Variants in VPS37A observed in about 807,000 individuals in gnomAD.
The protein encoded by VPS37A is VPS37A subunit of ESCRT-I.
VPS37A carries 30 observed loss-of-function variants against 49.8 expected under a neutral mutation model. The ratio of observed to expected loss-of-function variants is 0.60; its 90% confidence interval spans 0.45 to 0.82. The LOEUF (loss-of-function observed/expected upper bound fraction) is 0.82. Ranked by LOEUF, VPS37A falls within the 40% of genes least tolerant of loss-of-function variation. The pLI is 0.00. For missense variants in VPS37A, 593 were observed against 464.4 expected, an observed-to-expected ratio of 1.28 and a Z score of -2.55; for synonymous variants, 195 against 160.6, an observed-to-expected ratio of 1.21 and a Z score of -1.62.
At chr8:17,250,385 A>T (rs917887910) in intron 1 of VPS37A, among the ~76,000 whole-genome samples, 8 of 152,210 alleles carry the variant, frequency 5.3e-5, no homozygotes, top group Non-Finnish European at 1.0e-4. Context: ...CAGATTGGTT[A>T]TTCTAAAGGT....
Position 17,297,544 on chromosome 8 carries a change from CA to C in VPS37A, c.*2562del, listed in dbSNP as rs1816775359. ...AGTTACTGATTTGCTGGGTCATGGT[CA>C]AAATTCTTACCTATTTATTTCATAT... On this transcript the variant is annotated 3_prime_UTR_variant, in exon 12 of 12. Coordinates refer to ENST00000324849, the MANE Select transcript of VPS37A (RefSeq NM_152415.3). The C allele has an allele frequency of 7.9e-6, 1 of 126,024 alleles. No homozygotes were observed. The highest frequency in any genetic ancestry group is 3.6e-5 in the African/African-American group (1 of 28,074). 7.8% of individuals were successfully genotyped at this position (126,024 alleles called of 1,614,324 possible).
At chr8:17,304,473 G>A (rs758050973), downstream of VPS37A, 29 of 1,613,854 alleles carry the variant, frequency 1.8e-5, no homozygotes, top group Admixed American at 3.3e-5. Flanking sequence ...TAGTCGGCCC[G>A]ATTCTTCCAC....
Position 17,247,203 on chromosome 8 carries a change from G to A in VPS37A, c.-42G>A, listed in dbSNP as rs1563224367. The A allele has an allele frequency of 6.4e-7, 1 of 1,557,852 alleles. No homozygotes were observed. Among genetic ancestry groups the A allele is most frequent in the East Asian group, 2.4e-5 (1 of 41,444 alleles). ...CGGGCCGAGCCACTGGGAGAAGCAG[G>A]CCAGAGCCTTCCAGGGCCTCCGGCC... On this transcript the variant is annotated 5_prime_UTR_variant, in exon 1 of 12. Transcript: ENST00000324849.
At chr8:17,262,665 G>A (rs947570518) in intron 1 of VPS37A, among the ~76,000 whole-genome samples, 2 of 151,986 alleles carry the variant, frequency 1.3e-5, no homozygotes, top group African/African-American at 2.4e-5. Flanking sequence ...TTATCAAAGT[G>A]TGGTTTGTAA....
At chr8:17,300,415 G>A (rs1817039120), downstream of VPS37A, 2 of 607,830 alleles carry the variant, frequency 3.3e-6, no homozygotes, top group Middle Eastern at 4.5e-4. Flanking sequence ...TATCTCTAAT[G>A]TAAGGATAAT....
intron 6 of VPS37A, among the ~76,000 whole-genome samples, chr8:17,278,075 C>T (rs1010064950): frequency 6.6e-6 from 1 of 152,010 alleles, no homozygotes; most frequent in African/African-American, 2.4e-5. Flanking sequence ...TTAGTGCCTC[C>T]TTGTGGTACC....
the VPS37A span, among the ~76,000 whole-genome samples, chr8:17,318,098 G>T: frequency 1.3e-5 from 2 of 152,156 alleles, no homozygotes; most frequent in Admixed American, 6.5e-5. Context: ...TCAGGATGAT[G>T]ATGGGAAGCC....
chr8:17,286,567 T>C (rs531539970), intron 11 of VPS37A, 140 bp downstream of exon 11: 42 of 626,920 alleles, frequency 6.7e-5, no homozygotes, highest in African/African-American at 6.1e-4. Context: ...ATAGAATGCT[T>C]TGTATTATAT....
chr8:17,271,609 A>G (rs1200104759), intron 4 of VPS37A, among the ~76,000 whole-genome samples: 1 of 152,176 alleles, frequency 6.6e-6, no homozygotes, highest in African/African-American at 2.4e-5. Flanking sequence ...CCGTCTCAAA[A>G]AAAAAAATGC....
intron 1 of VPS37A, among the ~76,000 whole-genome samples, chr8:17,252,004 C>T (rs530442312): frequency 6.6e-6 from 1 of 152,222 alleles, no homozygotes; most frequent in South Asian, 2.1e-4. Flanking sequence ...AGAATTCATT[C>T]TCAGCTCATG....
intron 2 of VPS37A, 135 bp from the exon 3 acceptor site, chr8:17,268,123 C>T (rs533008369): frequency 2.1e-5 from 12 of 575,022 alleles, no homozygotes; most frequent in Non-Finnish European, 3.7e-5. Flanking sequence ...CATAATAGAG[C>T]ACTTATTACT....
the VPS37A span, among the ~76,000 whole-genome samples, chr8:17,316,631 A>G: frequency 1.3e-5 from 2 of 152,152 alleles, no homozygotes; most frequent in Non-Finnish European, 2.9e-5. Flanking sequence ...TCAACCAACC[A>G]CAGAGCACAA....
chr8:17,286,210 A>T, intron 10 of VPS37A, 137 bp from the exon 11 acceptor site: 3 of 654,222 alleles, frequency 4.6e-6, no homozygotes, highest in Non-Finnish European at 7.8e-6. Context: ...TTTAGCTATT[A>T]GATTATTAGC....
chr8:17,316,561 G>A, the VPS37A span, among the ~76,000 whole-genome samples: 1 of 151,684 alleles, frequency 6.6e-6, no homozygotes, highest in African/African-American at 2.4e-5. Flanking sequence ...GAGTTCCTAA[G>A]TCTTCAGCTC....
intron 2 of VPS37A, among the ~76,000 whole-genome samples, chr8:17,268,030 C>T (rs936091579): frequency 1.3e-5 from 2 of 152,102 alleles, no homozygotes; most frequent in African/African-American, 4.8e-5. Context: ...AATTCATGTC[C>T]ATATTTCACA....
chr8:17,329,886 C>A, the VPS37A span, among the ~76,000 whole-genome samples: 3 of 152,160 alleles, frequency 2.0e-5, no homozygotes, highest in African/African-American at 7.2e-5. Context: ...ACCTGAGAGA[C>A]TGACTGCCAA....
chr8:17,332,343 A>T, the VPS37A span, among the ~76,000 whole-genome samples: 1 of 152,128 alleles, frequency 6.6e-6, no homozygotes, highest in African/African-American at 2.4e-5. Context: ...AGTCTGACAA[A>T]ATTAAAAGTA....
At chr8:17,330,111 G>A in the VPS37A span, among the ~76,000 whole-genome samples, 1 of 152,226 alleles carries the variant, frequency 6.6e-6, no homozygotes. Flanking sequence ...GAAAGTCCAG[G>A]AAACAGAATG....
chr8:17,323,701 A>G, the VPS37A span, among the ~76,000 whole-genome samples: 1 of 152,244 alleles, frequency 6.6e-6, no homozygotes, highest in East Asian at 1.9e-4. Flanking sequence ...TTCCAGGACC[A>G]ACACTCCTAT....
Sources: gnomAD v4.1 joint callset for allele counts (sites outside exome capture counted in the v4.1 genomes callset) on GRCh38, gnomAD v4.1.1 for gene constraint, MANE v1.5 for transcripts, NCBI Gene and HGNC (gene_info 2026-07-23, HGNC 2026-07-21) for gene names.